The following MEGF6 variants were observed in gnomAD, a reference collection of about 807,000 sequenced individuals.
MEGF6 encodes multiple epidermal growth factor-like domains protein 6.
Under a neutral mutation model 207.1 loss-of-function variants are expected in MEGF6, and 184 were observed. That is an observed-to-expected ratio of 0.89 (90% confidence interval 0.79 to 1.00). The LOEUF is 1.00. MEGF6 is among the 50% of genes least tolerant of loss of function. The pLI is 0.00. For missense variants in MEGF6, 2,282 were observed against 2,202.9 expected (o/e 1.04, Z -0.72); for synonymous variants, 1,038 against 910.0 (o/e 1.14, Z -2.53).
intron 4 of MEGF6, among the ~76,000 whole-genome samples, chr1:3,535,060 G>A (rs1642285049): frequency 6.6e-6 from 1 of 152,148 alleles, no homozygotes; most frequent in Admixed American, 6.5e-5. Flanking sequence ...CACATCCCGG[G>A]GCATCTCTGG....
intron 3 of MEGF6, among the ~76,000 whole-genome samples, chr1:3,591,923 C>A (rs75229272): frequency 0.022 from 3,304 of 150,116 alleles, 86 homozygotes; most frequent in South Asian, 0.084. Context: ...AGCTCACAAG[C>A]GACCTGGAGG....
intron 4 of MEGF6, among the ~76,000 whole-genome samples, chr1:3,569,089 G>A (rs945961672): frequency 1.3e-5 from 2 of 152,164 alleles, no homozygotes; most frequent in East Asian, 1.9e-4. Flanking sequence ...CACTCCCAGA[G>A]GGAGCTCCTG....
chr1:3,527,548 G>A (rs569141247), intron 4 of MEGF6, among the ~76,000 whole-genome samples: 54 of 152,346 alleles, frequency 3.5e-4, no homozygotes, highest in African/African-American at 1.1e-3. Context: ...CCATGAAGTC[G>A]CCACCACAAC....
intron 4 of MEGF6, among the ~76,000 whole-genome samples, chr1:3,546,596 TG>T (rs1453543793): frequency 4.0e-4 from 28 of 70,290 alleles, no homozygotes; most frequent in Middle Eastern, 9.6e-3. Flanking sequence ...GGGGTGGCAG[TG>T]GGCTGGGAAG....
At chr1:3,558,482 A>G (rs1004488570) in intron 4 of MEGF6, among the ~76,000 whole-genome samples, 13 of 152,308 alleles carry the variant, frequency 8.5e-5, no homozygotes, top group Admixed American at 7.8e-4. Flanking sequence ...CTTCCTGGTC[A>G]TAAGTTGTAA....
At chr1:3,493,044 GC>G in intron 34 of MEGF6, 2 of 476,912 alleles carry the variant, frequency 4.2e-6, no homozygotes, top group Non-Finnish European at 3.8e-6. Flanking sequence ...TTCCTGCCCC[GC>G]CCCAGGAGGG....
chr1:3,559,715 A>T (rs2794345), intron 4 of MEGF6, among the ~76,000 whole-genome samples: 38,852 of 151,790 alleles, frequency 0.26, 5,171 homozygotes, highest in Non-Finnish European at 0.27. Flanking sequence ...AAAGCACCAA[A>T]ATAAGCACTC....
chr1:3,493,480 G>A, intron 34 of MEGF6: 1 of 496,884 alleles, frequency 2.0e-6, no homozygotes, highest in South Asian at 2.6e-5. Flanking sequence ...GGCAGATCAG[G>A]GAAGTCTTTC....
chr1:3,530,565 C>G (rs947077390), intron 4 of MEGF6, among the ~76,000 whole-genome samples: 3 of 152,190 alleles, frequency 2.0e-5, no homozygotes, highest in Non-Finnish European at 2.9e-5. Flanking sequence ...CAGGACGGAA[C>G]GAGAGCAGGG....
chr1:3,588,836 A>G (rs1413806067), intron 3 of MEGF6, among the ~76,000 whole-genome samples: 1 of 151,966 alleles, frequency 6.6e-6, no homozygotes, highest in Non-Finnish European at 1.5e-5. Context: ...ACCTCTCACA[A>G]GGGCCACCAT....
At chr1:3,601,501 T>A (rs1231613693) in intron 2 of MEGF6, among the ~76,000 whole-genome samples, 1 of 152,150 alleles carries the variant, frequency 6.6e-6, no homozygotes, top group Non-Finnish European at 1.5e-5. Context: ...GGGCTCAGGA[T>A]CCCTGAACCT....
chr1:3,515,289 C>T, intron 6 of MEGF6, 113 bp downstream of exon 6: 1 of 1,310,300 alleles, frequency 7.6e-7, no homozygotes. Flanking sequence ...CCTACCAGGC[C>T]TCTCAGCAGC....
At position 3,490,240 on chromosome 1, in the gene MEGF6, G is replaced by T; in HGVS notation, c.*288C>A. ...TGTCCTCAGTCCAACTCAGAGCCGC[G>T]GGGAGAGCGGGACTTCCTCAGCCCA... On this transcript the variant is annotated 3_prime_UTR_variant, in exon 37 of 37. Coordinates refer to ENST00000356575, the MANE Select transcript of MEGF6 (RefSeq NM_001409.4). 2.0e-6 allele frequency: 1 copy of T among 494,324 alleles called. No individual in the cohort carries two copies. Among genetic ancestry groups the T allele is most frequent in the Non-Finnish European group, 3.6e-6 (1 of 280,876 alleles). 30.6% of individuals were successfully genotyped at this position (494,324 alleles called of 1,614,324 possible).
chr1:3,515,287 G>A, intron 6 of MEGF6, 115 bp downstream of exon 6: 1 of 1,273,708 alleles, frequency 7.9e-7, no homozygotes, highest in Non-Finnish European at 1.1e-6. Context: ...TCCCTACCAG[G>A]CCTCTCAGCA....
At position 3,499,576 on chromosome 1, in the gene MEGF6, G is replaced by T; in HGVS notation, c.2965+12C>A. 5.1e-6 allele frequency: 8 copies of T among 1,570,714 alleles called. No individual in the cohort carries two copies. The highest frequency in any genetic ancestry group is 6.9e-6 in the Non-Finnish European group (8 of 1,160,424). The stretch of plus-strand genomic sequence containing the variant: ...CCTGCAGCACCCCGGGCTGAGCAGG[G>T]ACCTCACGCACTCTCGGCACAGCGG... On this transcript the variant is annotated intron_variant, in intron 23 of 36. Coordinates refer to ENST00000356575, the MANE Select transcript of MEGF6 (RefSeq NM_001409.4).
rs1202263416 is a variant in MEGF6, at chr1:3,560,658, G to A, written c.481+19167C>T. 6.7e-6 allele frequency: 3 copies of A among 446,930 alleles called. No individual in the cohort carries two copies. The highest frequency in any genetic ancestry group is 3.3e-4 in the Middle Eastern group (1 of 3,000). 27.7% of individuals were successfully genotyped at this position (446,930 alleles called of 1,614,324 possible). A position where few individuals can be genotyped will look rare whatever the true frequency, so the allele number is the denominator to read the frequency against. ...ATCCGGGGTCCCTTCCCAGGCTTGG[G>A]GGAGGCTGGGTGCCATCAACCCCTC... On this transcript the variant is annotated intron_variant, in intron 4 of 36. Transcript: ENST00000356575. This position sits in a 1 kb window ranked among gnomAD's most constrained non-coding sequence, Gnocchi z 4.0.
At chr1:3,500,074 A>T (rs755394438) in intron 21 of MEGF6, 150 bp from the exon 22 acceptor site, 3 of 1,238,392 alleles carry the variant, frequency 2.4e-6, no homozygotes, top group Admixed American at 5.8e-5. Context: ...GCTCACTCAC[A>T]TGCTTCATCC....
rs748645754 is a variant in MEGF6, at chr1:3,509,218, T to A, written c.1385A>T (p.Asp462Val). The change falls in exon 12 of 37, where the codon GAC becomes GTC. Residue 462 changes from aspartate (D) to valine (V), a missense_variant. Coordinates refer to ENST00000356575, the MANE Select transcript of MEGF6 (RefSeq NM_001409.4). ...GGGCCGCACGAAAGGCAGCTCGCCG[T>A]CCAGGTCCACCATCGGCTCCTCCAG... ...SPLEEPMVDLDGELPFVRPLP... is the reference protein window; with the variant it reads ...SPLEEPMVDLVGELPFVRPLP... 6 of 1,541,962 alleles carry A rather than the reference T, an allele frequency of 3.9e-6. No homozygotes were observed. In the South Asian group the frequency reaches 7.2e-5, roughly 18 times the overall value.
At chr1:3,511,137 G>T (rs1641331307) in intron 9 of MEGF6, among the ~76,000 whole-genome samples, 1 of 152,252 alleles carries the variant, frequency 6.6e-6, no homozygotes, top group Non-Finnish European at 1.5e-5. Context: ...GCACACACAG[G>T]ACACATGTCA....
Sources: gnomAD v4.1 joint callset for allele counts (sites outside exome capture counted in the v4.1 genomes callset) on GRCh38, gnomAD v4.1.1 for gene constraint, Gnocchi (gnomAD v3.1) non-coding constraint, MANE v1.5 for transcripts, NCBI Gene and HGNC (gene_info 2026-07-23, HGNC 2026-07-21) for gene names.